Variants in WBP2NL observed in about 807,000 individuals in gnomAD.
WBP2NL encodes postacrosomal sheath WW domain-binding protein.
In WBP2NL, 27 loss-of-function variants were observed where a neutral mutation model predicts 23.3. That is an observed-to-expected ratio of 1.16 (90% confidence interval 0.85 to 1.60). The LOEUF is 1.60. Among genes scored for constraint, WBP2NL ranks in the 40% most tolerant of loss-of-function variants. The pLI is 0.00. For synonymous variants in WBP2NL, 151 were observed against 145.9 expected, an observed-to-expected ratio of 1.03 and a Z score of -0.25; for missense variants, 370 against 389.5, an observed-to-expected ratio of 0.95 and a Z score of 0.42.
intron 1 of WBP2NL, among the ~76,000 whole-genome samples, chr22:42,013,714 A>T (rs895270634): frequency 6.6e-6 from 1 of 151,976 alleles, no homozygotes; most frequent in Non-Finnish European, 1.5e-5. Context: ...GGCTCAAGTG[A>T]TTCTCTTGCC....
chr22:42,031,200 C>T (rs1426735804), downstream of WBP2NL: 1 of 152,230 alleles, frequency 6.6e-6, no homozygotes, highest in Non-Finnish European at 1.5e-5. Context: ...AGTTAGCTCC[C>T]ACTGTCTGGT....
intron 4 of WBP2NL, among the ~76,000 whole-genome samples, chr22:42,020,916 T>A (rs1471497072): frequency 7.9e-5 from 6 of 76,100 alleles, no homozygotes; most frequent in East Asian, 4.3e-4. Flanking sequence ...ATATTTTTTT[T>A]TTTTTTTTTT....
At chr22:42,009,071 G>A (rs1481842620) in intron 1 of WBP2NL, among the ~76,000 whole-genome samples, 1 of 152,138 alleles carries the variant, frequency 6.6e-6, no homozygotes, top group Non-Finnish European at 1.5e-5. Flanking sequence ...GAGCCACTGG[G>A]CCTGGCCAAT....
At chr22:42,043,343 G>A (rs1054651423) in intron 8 of WBP2NL, among the ~76,000 whole-genome samples, 2 of 152,236 alleles carry the variant, frequency 1.3e-5, no homozygotes, top group Admixed American at 6.5e-5. Flanking sequence ...AGGTGCAGCA[G>A]CAAGGGACTG....
chr22:42,026,199 G>GA (rs1003545537), intron 5 of WBP2NL, among the ~76,000 whole-genome samples: 5 of 151,554 alleles, frequency 3.3e-5, no homozygotes, highest in African/African-American at 1.2e-4. Context: ...ATGAACCCAG[G>GA]AGGCAGAGCT....
chr22:42,014,001 C>T (rs930913239), intron 1 of WBP2NL, among the ~76,000 whole-genome samples: 5 of 152,026 alleles, frequency 3.3e-5, no homozygotes, highest in Non-Finnish European at 5.9e-5. Context: ...AGGCTGGGCT[C>T]GAATTCCTGA....
rs536366616 is a variant in WBP2NL at position 42,016,306 on chromosome 22, C to T, written c.63-3005C>T. 1.5e-4 allele frequency among the ~76,000 whole-genome samples: 23 copies of T among 151,990 alleles called. No homozygotes were observed. In the South Asian group the frequency reaches 4.6e-3, roughly 30 times the overall value. On this transcript the variant is annotated intron_variant, in intron 1 of 5. Transcript: ENST00000328823. ...GGAAATGTTTTTGACAAATGCCTCC[C>T]GGTAGCCTCATCAGTCCCGGGAAAA... is the stretch of plus-strand genomic sequence containing the variant.
chr22:42,006,313 C>T (rs368367175), intron 1 of WBP2NL, among the ~76,000 whole-genome samples: 284 of 152,020 alleles, frequency 1.9e-3, no homozygotes, highest in African/African-American at 6.2e-3. Flanking sequence ...CTCTGCCTCC[C>T]GGGTTCACGC....
intron 8 of WBP2NL, among the ~76,000 whole-genome samples, chr22:42,048,215 A>G (rs1040343432): frequency 6.6e-6 from 1 of 151,094 alleles, no homozygotes; most frequent in Non-Finnish European, 1.5e-5. Flanking sequence ...AGGTCAAGAG[A>G]TCAAGACCAT....
rs756446448 is a variant in WBP2NL, at chr22:42,027,162, C to T, written c.911C>T (p.Ser304Phe). Reference sequence around the variant, plus strand: ...GAGGCTTCTCTTCCCTCTGCCTCCTCTTCTCAGGTCCATTCTTAACCTTCT... The same window carrying T: ...GAGGCTTCTCTTCCCTCTGCCTCCTTTTCTCAGGTCCATTCTTAACCTTCT... ...ENEASLPSASSSQVHS is the reference protein window; with the variant it reads ...ENEASLPSASFSQVHS Residue 304 changes from serine (S) to phenylalanine (F), a missense_variant, in exon 6 of 6, where the codon TCT becomes TTT. Coordinates refer to ENST00000328823, the MANE Select transcript of WBP2NL (RefSeq NM_152613.3). 1.1e-5 allele frequency: 18 copies of T among 1,612,472 alleles called. No individual in the cohort carries two copies. Among genetic ancestry groups the T allele is most frequent in the Non-Finnish European group, 1.2e-5 (14 of 1,179,418 alleles).
chr22:42,008,131 C>CCTTTCCTTTG (rs1569446646), intron 1 of WBP2NL, among the ~76,000 whole-genome samples: 19 of 132,600 alleles, frequency 1.4e-4, no homozygotes, highest in African/African-American at 5.4e-4. Context: ...GCTTTCCTTT[C>CCTTTCCTTTG]CTTTCCTTTC....
chr22:42,042,377 A>G (rs1216901393), intron 8 of WBP2NL, among the ~76,000 whole-genome samples: 2 of 152,032 alleles, frequency 1.3e-5, no homozygotes, highest in African/African-American at 4.8e-5. Flanking sequence ...TTCTCCTCCA[A>G]TTAGATAATT....
chr22:42,057,846 T>TACAC (rs1556309983), intron 8 of WBP2NL, among the ~76,000 whole-genome samples: 4 of 117,420 alleles, frequency 3.4e-5, no homozygotes, highest in South Asian at 2.7e-4. Flanking sequence ...TATATATATA[T>TACAC]ACACATATAT....
At position 42,027,731 on chromosome 22, in the gene WBP2NL, A is replaced by T. The variant is rs767443923; in HGVS notation, c.*550A>T. The T allele has an allele frequency of 4.3e-5, 16 of 371,330 alleles. No individual in the cohort carries two copies. The highest frequency in any genetic ancestry group is 9.1e-5 in the Admixed American group (2 of 21,922). The allele number at this position is 371,330 out of a possible 1,614,324, so 23.0% of individuals were successfully genotyped here. ...AAAACCAACAAATAAAAGCATGATA[A>T]ATTGACTATATCAAAATTTAAAACT... On this transcript the variant is annotated 3_prime_UTR_variant, in exon 6 of 6. Coordinates refer to ENST00000328823, the MANE Select transcript of WBP2NL (RefSeq NM_152613.3).
At chr22:42,030,832 A>C (rs1205696973), downstream of WBP2NL, 1 of 152,212 alleles carries the variant, frequency 6.6e-6, no homozygotes, top group Non-Finnish European at 1.5e-5. Flanking sequence ...TGGTAAGTTG[A>C]GAACAGGGTG....
At chr22:42,032,777 G>T (rs1468656296), downstream of WBP2NL, 1 of 470,064 alleles carries the variant, frequency 2.1e-6, no homozygotes, top group African/African-American at 2.0e-5. Flanking sequence ...AAATGGATTA[G>T]AAAGAAGGGG....
chr22:42,049,773 T>A (rs1398690233), intron 8 of WBP2NL, among the ~76,000 whole-genome samples: 16 of 128,158 alleles, frequency 1.2e-4, no homozygotes, highest in Admixed American at 1.2e-3. Context: ...AGAAACAACA[T>A]CAAAAGCATG....
At chr22:42,019,577 T>G in intron 2 of WBP2NL, 85 bp from the exon 3 acceptor site, 1 of 1,575,058 alleles carries the variant, frequency 6.3e-7, no homozygotes, top group Non-Finnish European at 8.7e-7. Flanking sequence ...GTTTCTCAGT[T>G]AGACCAGAAT....
intron 1 of WBP2NL, among the ~76,000 whole-genome samples, chr22:42,000,790 C>T (rs554183020): frequency 6.8e-6 from 1 of 147,648 alleles, no homozygotes; most frequent in South Asian, 2.1e-4. Context: ...AAAAAAACAG[C>T]CGGGAGTGGT....
Sources: allele counts gnomAD v4.1 joint callset (sites outside exome capture counted in the v4.1 genomes callset), GRCh38; gene constraint gnomAD v4.1.1; transcripts MANE v1.5; gene names NCBI Gene and HGNC (gene_info 2026-07-23, HGNC 2026-07-21).